The following CERS6 variants were observed in gnomAD, a reference collection of about 807,000 sequenced individuals.
CERS6 encodes LAG1 homolog, ceramide synthase 6.
Under a neutral mutation model 56.8 loss-of-function variants are expected in CERS6, and 26 were observed. The ratio of observed to expected loss-of-function variants is 0.46; its 90% CI spans 0.34 to 0.63. The LOEUF (loss-of-function observed/expected upper bound fraction) is 0.63. CERS6 is among the 30% of genes least tolerant of loss of function. CERS6 has a pLI of 0.01. For synonymous variants in CERS6, 164 were observed against 173.3 expected (o/e 0.95, Z 0.42); for missense variants, 415 against 467.5 (o/e 0.89, Z 1.04).
chr2:168,513,753 T>C (rs915275364), intron 1 of CERS6, among the ~76,000 whole-genome samples: 6 of 152,186 alleles, frequency 3.9e-5, no homozygotes, highest in African/African-American at 1.4e-4. Flanking sequence ...AGCTGACACT[T>C]AAGGAATGGT....
At chr2:168,544,042 A>G (rs1400661272) in intron 1 of CERS6, among the ~76,000 whole-genome samples, 1 of 152,228 alleles carries the variant, frequency 6.6e-6, no homozygotes, top group Non-Finnish European at 1.5e-5. Flanking sequence ...TCAAATACTC[A>G]CTGAGTACCC....
intron 1 of CERS6, among the ~76,000 whole-genome samples, chr2:168,485,753 C>T (rs902741644): frequency 6.6e-6 from 1 of 152,098 alleles, no homozygotes; most frequent in Admixed American, 6.5e-5. Flanking sequence ...TATTAAAGGA[C>T]GTCTTGGTTG....
intron 1 of CERS6, among the ~76,000 whole-genome samples, chr2:168,536,910 T>C (rs1695274005): frequency 6.6e-6 from 1 of 152,028 alleles, no homozygotes; most frequent in Non-Finnish European, 1.5e-5. Context: ...TCACAAAAAT[T>C]ACAAAAATGA....
intron 4 of CERS6, among the ~76,000 whole-genome samples, chr2:168,666,853 T>C (rs1685774601): frequency 6.6e-6 from 1 of 152,198 alleles, no homozygotes; most frequent in Admixed American, 6.5e-5. Context: ...GCCTGAGATA[T>C]TCATAAACTA....
At chr2:168,609,495 G>T (rs13398133) in intron 3 of CERS6, among the ~76,000 whole-genome samples, 1 of 152,004 alleles carries the variant, frequency 6.6e-6, no homozygotes, top group East Asian at 1.9e-4. Flanking sequence ...GAATCTTTTC[G>T]CTCCAAGTCC....
intron 6 of CERS6, among the ~76,000 whole-genome samples, chr2:168,705,858 T>A (rs1479087539): frequency 1.3e-5 from 2 of 151,906 alleles, no homozygotes; most frequent in Non-Finnish European, 2.9e-5. Flanking sequence ...AAAAAAAAAA[T>A]GGAGAGTTAA....
chr2:168,649,578 A>C (rs1685293331), intron 4 of CERS6, among the ~76,000 whole-genome samples: 1 of 152,098 alleles, frequency 6.6e-6, no homozygotes, highest in African/African-American at 2.4e-5. Context: ...AACCAAGAAA[A>C]GCTTTGGCTG....
At chr2:168,574,367 G>GTT (rs1426586144) in intron 3 of CERS6, among the ~76,000 whole-genome samples, 40 of 127,278 alleles carry the variant, frequency 3.1e-4, no homozygotes, top group African/African-American at 1.2e-3. Flanking sequence ...GGCTCAATAA[G>GTT]TTTTGTGTGT....
chr2:168,666,961 A>T (rs1218458246), intron 4 of CERS6, among the ~76,000 whole-genome samples: 5 of 152,214 alleles, frequency 3.3e-5, no homozygotes, highest in Non-Finnish European at 7.3e-5. Flanking sequence ...GTGCTATATC[A>T]TGCCAGTTAA....
At chr2:168,680,254 G>A (rs550787854) in intron 4 of CERS6, among the ~76,000 whole-genome samples, 3 of 152,204 alleles carry the variant, frequency 2.0e-5, no homozygotes, top group African/African-American at 7.2e-5. Context: ...GGACTTAGTC[G>A]TGCACGGTCA....
intron 2 of CERS6, 123 bp downstream of exon 2, chr2:168,547,824 G>T: frequency 5.9e-6 from 4 of 678,326 alleles, no homozygotes; most frequent in South Asian, 5.2e-5. Context: ...GCTGGAGAAC[G>T]TGTTGTCAGA....
chr2:168,649,811 A>C, intron 4 of CERS6, among the ~76,000 whole-genome samples: 1 of 147,268 alleles, frequency 6.8e-6, no homozygotes, highest in Non-Finnish European at 1.5e-5. Flanking sequence ...ACCCCATCAC[A>C]CTCTTTCCCC....
chr2:168,560,071 G>A (rs964491597), intron 2 of CERS6, among the ~76,000 whole-genome samples: 1 of 152,002 alleles, frequency 6.6e-6, no homozygotes. Context: ...GAAATGTATT[G>A]GACTTACAGT....
intron 3 of CERS6, among the ~76,000 whole-genome samples, chr2:168,587,218 CAAAAT>C (rs942936240): frequency 1.3e-5 from 2 of 152,020 alleles, no homozygotes; most frequent in African/African-American, 4.8e-5. Flanking sequence ...TAAAGTAAAA[CAAAAT>C]AAAAGTTTAT....
chr2:168,602,853 C>G (rs1270357940), intron 3 of CERS6, among the ~76,000 whole-genome samples: 4 of 152,180 alleles, frequency 2.6e-5, no homozygotes, highest in Non-Finnish European at 5.9e-5. Flanking sequence ...GGTCACCATT[C>G]AAAAATACAG....
At position 168,768,562 on chromosome 2, in the gene CERS6, G is replaced by A. The variant is rs1684780858; in HGVS notation, c.1003-948G>A. ...GCCAGTTCTTGATGATCTAGTCAGT[G>A]GATTTTCCTCAGGAAATATTTCAAG... On this transcript the variant is annotated intron_variant, in intron 9 of 9. Transcript: ENST00000305747. Among the ~76,000 whole-genome samples, 3 of 151,768 alleles carry A rather than the reference G, an allele frequency of 2.0e-5. No individual in the cohort carries two copies. The South Asian group carries it at 6.2e-4, about 32-fold the overall frequency.
intron 6 of CERS6, among the ~76,000 whole-genome samples, chr2:168,698,136 A>G (rs1461529574): frequency 6.6e-6 from 1 of 151,926 alleles, no homozygotes; most frequent in Admixed American, 6.6e-5. Flanking sequence ...TCTGTATAAA[A>G]TATACAAAAT....
At chr2:168,746,416 C>G (rs1684097203) in intron 8 of CERS6, among the ~76,000 whole-genome samples, 1 of 152,046 alleles carries the variant, frequency 6.6e-6, no homozygotes, top group Non-Finnish European at 1.5e-5. Flanking sequence ...GATGTGCAGT[C>G]TCCACTAACA....
At chr2:168,654,273 G>C (rs777977037) in intron 4 of CERS6, among the ~76,000 whole-genome samples, 1 of 152,184 alleles carries the variant, frequency 6.6e-6, no homozygotes, top group African/African-American at 2.4e-5. Context: ...CGTAGGCCTG[G>C]TGTGGTGGCT....
Sources: gnomAD v4.1 joint callset for allele counts (sites outside exome capture counted in the v4.1 genomes callset) on GRCh38, gnomAD v4.1.1 for gene constraint, MANE v1.5 for transcripts, NCBI Gene and HGNC (gene_info 2026-07-23, HGNC 2026-07-21) for gene names.